Variants in AGBL4 observed in about 807,000 individuals in gnomAD.
AGBL4 encodes AGBL carboxypeptidase 4.
Under a neutral mutation model 66.4 loss-of-function variants are expected in AGBL4, and 58 were observed. The observed-to-expected ratio is 0.87, with a 90% CI of 0.71 to 1.09. The LOEUF (loss-of-function observed/expected upper bound fraction) is 1.09. Ranked by LOEUF, AGBL4 falls within the 50% of genes least tolerant of loss-of-function variation. The probability of loss-of-function intolerance (pLI) is 0.00; values close to 1 mark genes in which losing one functional copy is unlikely to be tolerated. For synonymous variants in AGBL4, 234 were observed against 222.9 expected (o/e 1.05, Z -0.44); for missense variants, 579 against 631.0 (o/e 0.92, Z 0.88).
intron 5 of AGBL4, among the ~76,000 whole-genome samples, chr1:49,042,575 T>G (rs1028626505): frequency 1.3e-5 from 2 of 152,152 alleles, no homozygotes; most frequent in Non-Finnish European, 2.9e-5. Flanking sequence ...TCCTTCATCC[T>G]GCTGCATGGA....
chr1:49,714,569 CAT>C (rs60965691), intron 2 of AGBL4, among the ~76,000 whole-genome samples: 49,345 of 141,474 alleles, frequency 0.35, 8,544 homozygotes, highest in East Asian at 0.51. Flanking sequence ...GTAGTATTTA[CAT>C]ATATATATAT....
At chr1:49,944,684 C>T (rs1655057631) in intron 1 of AGBL4, among the ~76,000 whole-genome samples, 1 of 151,736 alleles carries the variant, frequency 6.6e-6, no homozygotes, top group African/African-American at 2.4e-5. Flanking sequence ...ACTAGCTCAC[C>T]AGCAATGGAT....
chr1:49,611,233 T>C (rs1400200138), intron 3 of AGBL4, among the ~76,000 whole-genome samples: 2 of 152,148 alleles, frequency 1.3e-5, no homozygotes, highest in Non-Finnish European at 2.9e-5. Flanking sequence ...ATAAGAGAAT[T>C]TGCTGATTAA....
At chr1:48,672,998 C>T (rs528410251) in intron 6 of AGBL4, among the ~76,000 whole-genome samples, 11 of 152,146 alleles carry the variant, frequency 7.2e-5, no homozygotes, top group African/African-American at 2.4e-4. Flanking sequence ...GGGCTCAGTA[C>T]GTTGCCCGGG....
intron 5 of AGBL4, among the ~76,000 whole-genome samples, chr1:49,033,428 G>A (rs1664388519): frequency 6.6e-6 from 1 of 152,080 alleles, no homozygotes; most frequent in African/African-American, 2.4e-5. Flanking sequence ...GTATCCAGTT[G>A]CAACTATATC....
intron 3 of AGBL4, among the ~76,000 whole-genome samples, chr1:49,607,623 TAC>T (rs1466610565): frequency 1.3e-5 from 2 of 152,126 alleles, no homozygotes; most frequent in Non-Finnish European, 2.9e-5. Context: ...AATCCTTAAT[TAC>T]AGTCTGCCTT....
intron 3 of AGBL4, among the ~76,000 whole-genome samples, chr1:49,372,744 C>T (rs952313886): frequency 6.9e-6 from 1 of 144,502 alleles, no homozygotes; most frequent in East Asian, 2.0e-4. Context: ...TCTCTCTCTT[C>T]TCTCTCTCTC....
chr1:49,536,343 C>A (rs553588810), intron 3 of AGBL4, among the ~76,000 whole-genome samples: 2 of 152,174 alleles, frequency 1.3e-5, no homozygotes, highest in South Asian at 4.2e-4. Context: ...AGCAACAGAG[C>A]AGAAATTTTT....
intron 3 of AGBL4, among the ~76,000 whole-genome samples, chr1:49,504,989 G>A (rs1341250298): frequency 6.6e-6 from 1 of 151,692 alleles, no homozygotes; most frequent in African/African-American, 2.4e-5. Context: ...TTGATTCTTT[G>A]CTTTTTTATC....
At chr1:48,559,244 C>T (rs1178900530) in intron 11 of AGBL4, among the ~76,000 whole-genome samples, 1 of 152,152 alleles carries the variant, frequency 6.6e-6, no homozygotes, top group African/African-American at 2.4e-5. Context: ...ATTATAATCA[C>T]AAGGAGACAG....
chr1:50,013,167 A>G (rs1661681645), intron 1 of AGBL4, among the ~76,000 whole-genome samples: 1 of 152,182 alleles, frequency 6.6e-6, no homozygotes, highest in South Asian at 2.1e-4. Context: ...GTACAACACA[A>G]CACGAAATTA....
chr1:49,624,778 C>G (rs1021346806), intron 3 of AGBL4, among the ~76,000 whole-genome samples: 15 of 152,120 alleles, frequency 9.9e-5, no homozygotes, highest in African/African-American at 3.6e-4. Context: ...AAGGGACACA[C>G]GTCTAGAAAT....
chr1:49,909,995 A>T (rs1650660152), intron 1 of AGBL4, among the ~76,000 whole-genome samples: 1 of 152,236 alleles, frequency 6.6e-6, no homozygotes, highest in Non-Finnish European at 1.5e-5. Context: ...TGAGAGTTTC[A>T]TACACAAGTA....
chr1:48,899,236 C>T (rs1651852652), intron 5 of AGBL4, among the ~76,000 whole-genome samples: 2 of 152,346 alleles, frequency 1.3e-5, no homozygotes, highest in South Asian at 2.1e-4. Flanking sequence ...CACACCTGTG[C>T]GGGCGAGGGC....
chr1:49,743,148 A>C lies in AGBL4; in HGVS notation c.158-45711T>G, dbSNP rs368617771. Among the ~76,000 whole-genome samples, 8 of 152,170 alleles carry C rather than the reference A, an allele frequency of 5.3e-5. No individual in the cohort carries two copies. In the East Asian group the frequency reaches 1.2e-3, roughly 22 times the overall value. On this transcript the variant is annotated intron_variant, in intron 2 of 13. Transcript: ENST00000371839. ...GAATGGGAGAAGATTTTTGCAATCT[A>C]CTCATCTGACAAAGGGCTAACATCC...
intron 5 of AGBL4, among the ~76,000 whole-genome samples, chr1:48,881,392 T>C (rs930868295): frequency 2.6e-5 from 4 of 152,180 alleles, no homozygotes; most frequent in African/African-American, 9.7e-5. Context: ...TAGTGAAAAC[T>C]GACTTTTCAC....
chr1:49,160,167 CT>C (rs1225538281), intron 4 of AGBL4, among the ~76,000 whole-genome samples: 1 of 152,140 alleles, frequency 6.6e-6, no homozygotes, highest in African/African-American at 2.4e-5. Flanking sequence ...AATTTTCAGC[CT>C]TTTTTGCACT....
At chr1:49,602,468 T>G (rs1571150523) in intron 3 of AGBL4, among the ~76,000 whole-genome samples, 1 of 151,930 alleles carries the variant, frequency 6.6e-6, no homozygotes, top group Admixed American at 6.6e-5. Context: ...ATAGACTAGA[T>G]AAAGAAAATG....
chr1:49,077,733 C>T (rs1408443083), intron 4 of AGBL4, among the ~76,000 whole-genome samples: 1 of 151,902 alleles, frequency 6.6e-6, no homozygotes, highest in Non-Finnish European at 1.5e-5. Flanking sequence ...AGTTGTAAAA[C>T]CAAAGTTGCT....
Sources: gnomAD v4.1 joint callset for allele counts (sites outside exome capture counted in the v4.1 genomes callset) on GRCh38, gnomAD v4.1.1 for gene constraint, MANE v1.5 for transcripts, NCBI Gene and HGNC (gene_info 2026-07-23, HGNC 2026-07-21) for gene names.